INTS2: variants seen among roughly 807,000 people sequenced by gnomAD.
INTS2 encodes KIAA1287.
In INTS2, 57 loss-of-function variants were observed where a neutral mutation model predicts 139.6. The observed-to-expected ratio is 0.41, with a 90% CI of 0.33 to 0.51. The LOEUF is 0.51. Ranked by LOEUF, INTS2 falls within the 20% of genes least tolerant of loss-of-function variation. The pLI, the probability that INTS2 is intolerant of heterozygous loss-of-function variation, is 0.28. For synonymous variants in INTS2, 473 were observed against 493.4 expected, an observed-to-expected ratio of 0.96 and a Z score of 0.55; for missense variants, 1,196 against 1,436.7, an observed-to-expected ratio of 0.83 and a Z score of 2.71.
chr17:61,891,957 A>G (rs893788183), intron 13 of INTS2, among the ~76,000 whole-genome samples: 15 of 152,142 alleles, frequency 9.9e-5, no homozygotes, highest in Non-Finnish European at 1.8e-4. Context: ...TGGGAAAAAC[A>G]TTTTAAGTCC....
At chr17:61,902,682 T>C (rs1339039044) in intron 9 of INTS2, among the ~76,000 whole-genome samples, 1 of 151,572 alleles carries the variant, frequency 6.6e-6, no homozygotes, top group East Asian at 1.9e-4. Flanking sequence ...CAGACTAGCC[T>C]GGGCAACACA....
chr17:61,899,282 C>T (rs2079380749), intron 9 of INTS2, among the ~76,000 whole-genome samples: 1 of 152,008 alleles, frequency 6.6e-6, no homozygotes, highest in Admixed American at 6.5e-5. Flanking sequence ...AGAAGTTTCG[C>T]TCTTGTTGCC....
chr17:61,907,331 G>A, intron 8 of INTS2, 77 bp downstream of exon 8: 2 of 1,217,788 alleles, frequency 1.6e-6, no homozygotes, highest in Non-Finnish European at 2.3e-6. Flanking sequence ...TGAATAAAAG[G>A]CCTTTGGCTC....
chr17:61,895,511 A>G (rs2079338254), intron 11 of INTS2, 128 bp from the exon 12 acceptor site: 1 of 522,932 alleles, frequency 1.9e-6, no homozygotes, highest in Admixed American at 4.2e-5. Context: ...ACTCTGTTTT[A>G]GAAGTGCTTT....
intron 9 of INTS2, among the ~76,000 whole-genome samples, chr17:61,898,161 T>A (rs1280495788): frequency 6.6e-6 from 1 of 152,178 alleles, no homozygotes; most frequent in Non-Finnish European, 1.5e-5. Context: ...TAATGAGCAG[T>A]CCATCTTCTG....
At chr17:61,895,757 TAC>T (rs1300734127) in intron 11 of INTS2, among the ~76,000 whole-genome samples, 3 of 152,048 alleles carry the variant, frequency 2.0e-5, no homozygotes, top group Non-Finnish European at 4.4e-5. Flanking sequence ...TATGTATATG[TAC>T]AGATAGACAC....
Position 61,875,075 on chromosome 17 carries a change from T to C in INTS2, c.2457-37A>G, listed in dbSNP as rs1334521066. The stretch of plus-strand genomic sequence containing the variant: ...ATAATCACATGTTCAAAACAGTTTT[T>C]TATATATTAAAATCTGTAGCCATCC... On this transcript the variant is annotated intron_variant, in intron 18 of 24. Transcript: ENST00000251334. This position sits in a 1 kb window ranked among gnomAD's most constrained non-coding sequence, Gnocchi z 4.6. 3 of 1,487,512 alleles carry C rather than the reference T, an allele frequency of 2.0e-6. No individual in the cohort carries two copies. The African/African-American group carries it at 4.2e-5, about 21-fold the overall frequency. 92.1% of individuals were successfully genotyped at this position (1,487,512 alleles called of 1,614,324 possible). A position where few individuals can be genotyped will look rare whatever the true frequency, so the allele number is the denominator to read the frequency against.
chr17:61,925,923 G>A (rs532798685), intron 2 of INTS2, among the ~76,000 whole-genome samples: 61 of 152,184 alleles, frequency 4.0e-4, no homozygotes, highest in Non-Finnish European at 2.4e-4. Context: ...CTACTCGGGA[G>A]GCTGAGGCAG....
At position 61,925,010 on chromosome 17, in the gene INTS2, G is replaced by A; in HGVS notation, c.383C>T (p.Pro128Leu). 1 of 1,613,556 alleles carries A rather than the reference G, an allele frequency of 6.2e-7. No homozygotes were observed. The highest frequency in any genetic ancestry group is 8.5e-7 in the Non-Finnish European group (1 of 1,179,738). The change falls in exon 3 of 25, where the codon CCT (proline) becomes CTT (leucine). Residue 128 changes from proline to leucine, a missense_variant. Coordinates refer to ENST00000251334, the MANE Select transcript of INTS2 (RefSeq NM_001351695.2). Reference protein sequence around the residue: ...LTLEFEHSDSPRRLRLVLSEL... With the variant: ...LTLEFEHSDSLRRLRLVLSEL... The stretch of plus-strand genomic sequence containing the variant: ...ACTAAGCACAAGACGCAATCGACGA[G>A]GTGAATCACTGTGTTCAAACTCTAA...
At chr17:61,884,001 GAA>G (rs35178580) in intron 16 of INTS2, among the ~76,000 whole-genome samples, 17 of 125,856 alleles carry the variant, frequency 1.4e-4, no homozygotes, top group Admixed American at 5.5e-4. Context: ...TTTCCCTAAA[GAA>G]AAAAAAAAAG....
At chr17:61,894,548 T>C (rs1056824791) in intron 12 of INTS2, among the ~76,000 whole-genome samples, 4 of 152,108 alleles carry the variant, frequency 2.6e-5, no homozygotes, top group Non-Finnish European at 5.9e-5. Context: ...AAGATATTAA[T>C]AGCCACAAAA....
chr17:61,899,024 T>C (rs1023938707), intron 9 of INTS2, among the ~76,000 whole-genome samples: 67 of 152,334 alleles, frequency 4.4e-4, no homozygotes, highest in Non-Finnish European at 3.5e-4. Flanking sequence ...AAATGAAAAG[T>C]ATAATTCTTC....
At position 61,869,383 on chromosome 17, in the gene INTS2, ATC is replaced by A; in HGVS notation, c.3031-5_3031-4del. On this transcript the variant is annotated splice_region_variant and splice_polypyrimidine_tract_variant and intron_variant, in intron 21 of 24. Transcript: ENST00000251334. This position sits in a 1 kb window ranked among gnomAD's most constrained non-coding sequence, Gnocchi z 5.4. The stretch of plus-strand genomic sequence containing the variant: ...GGCAAAAGTTCACATGGATAACCCT[ATC>A]TCAACAAGAAACGGGAAAAAAGTCA... 1 of 1,575,040 alleles carries A rather than the reference ATC, an allele frequency of 6.3e-7. No individual in the cohort carries two copies. The highest frequency in any genetic ancestry group is 8.7e-7 in the Non-Finnish European group (1 of 1,152,898).
intron 9 of INTS2, among the ~76,000 whole-genome samples, chr17:61,899,908 T>C (rs1326109042): frequency 7.4e-5 from 7 of 94,720 alleles, no homozygotes; most frequent in Admixed American, 5.7e-4. Context: ...CAAGATCCTA[T>C]CTAAAAAAAA....
intron 14 of INTS2, among the ~76,000 whole-genome samples, chr17:61,891,020 A>ACAGTGACTC (rs2079287274): frequency 8.3e-6 from 1 of 120,580 alleles, no homozygotes; most frequent in Admixed American, 8.6e-5. Flanking sequence ...AAGGCCAGGC[A>ACAGTGACTC]CAGTGACTCA....
Position 61,881,635 on chromosome 17 carries a change from T to C in INTS2, c.2090-464A>G, listed in dbSNP as rs575226081. ...AATGATTAGAGCACCACCAGCACCA[T>C]AAGCTTGGGAAGCTTGTTTCATGTG... On this transcript the variant is annotated intron_variant, in intron 16 of 24. Transcript: ENST00000251334. Among the ~76,000 whole-genome samples the C allele has an allele frequency of 2.6e-5, 4 of 152,278 alleles. No homozygotes were observed. The South Asian group carries it at 8.3e-4, about 32-fold the overall frequency.
intron 9 of INTS2, among the ~76,000 whole-genome samples, chr17:61,901,122 T>C (rs1407305093): frequency 6.6e-6 from 1 of 151,844 alleles, no homozygotes; most frequent in Non-Finnish European, 1.5e-5. Flanking sequence ...CAAAAAACTT[T>C]TAAAAATAAG....
rs753624644 is a variant in INTS2 at position 61,893,804 on chromosome 17, G to C, written c.1659C>G (p.Leu553=). The C allele has an allele frequency of 8.2e-6, 13 of 1,587,592 alleles. No homozygotes were observed. The highest frequency in any genetic ancestry group is 1.1e-5 in the Non-Finnish European group (13 of 1,165,888). ...FLPIHCIYQL[L]RSRSFTKHKV... ...TGTGCTTGGTAAAGGAACGGCTCCT[G>C]AGAAGCTGGTAAATACAATGAATAG... is the stretch of plus-strand genomic sequence containing the variant. The change falls in exon 13 of 25, where the codon CTC becomes CTG. Residue 553 remains leucine (L), a synonymous_variant. Transcript: ENST00000251334. The surrounding 1 kb of genome is among the most constrained non-coding windows in gnomAD (Gnocchi z 5.4).
intron 5 of INTS2, among the ~76,000 whole-genome samples, chr17:61,914,799 G>A (rs572063075): frequency 6.6e-6 from 1 of 151,828 alleles, no homozygotes; most frequent in African/African-American, 2.4e-5. Context: ...ACTCGAGCCT[G>A]GGAGATCAAT....
Sources: gnomAD v4.1 joint callset for allele counts (sites outside exome capture counted in the v4.1 genomes callset) on GRCh38, gnomAD v4.1.1 for gene constraint, Gnocchi (gnomAD v3.1) non-coding constraint, MANE v1.5 for transcripts, NCBI Gene and HGNC (gene_info 2026-07-23, HGNC 2026-07-21) for gene names.